PKDREJ: variants seen among roughly 807,000 people sequenced by gnomAD.
The protein encoded by PKDREJ is PKD and REJ homolog.
For synonymous variants in PKDREJ, 1,031 were observed against 1,095.5 expected, an observed-to-expected ratio of 0.94 and a Z score of 1.16; for missense variants, 2,507 against 2,807.2, an observed-to-expected ratio of 0.89 and a Z score of 2.42.
In PKDREJ at chr22:46,258,720, C is replaced by T. The variant is rs549997347; in HGVS notation, c.4603G>A (p.Gly1535Arg). ...KAQIKTPETL[G>R]PNTNSNNNIE... ...TTGTTATTGGAATTTGTATTTGGCC[C>T]GAGGGTCTCCGGGGTCTTGATTTGT... Residue 1535 changes from glycine to arginine, a missense_variant, in exon 1 of 1, where the codon GGG becomes AGG. Physicochemically the swap from Gly to Arg is moderately radical, Grantham distance 125. Transcript: ENST00000253255. The surrounding 1 kb of genome is among the most constrained non-coding windows in gnomAD (Gnocchi z 6.1). 25 of 1,613,952 alleles carry T rather than the reference C, an allele frequency of 1.5e-5. 1 individual carries two copies. In the South Asian group the frequency reaches 1.9e-4, roughly 12 times the overall value.
chr22:46,262,309 C>T lies in PKDREJ; in HGVS notation c.1014G>A (p.Ala338=). Residue 338 remains alanine, a synonymous_variant, in exon 1 of 1, where the codon GCG becomes GCA. Transcript: ENST00000253255. The surrounding 1 kb of genome is among the most constrained non-coding windows in gnomAD (Gnocchi z 8.1). ...YVWIVRSSLQ[A]VMLGDANITA... ...TTATGTTGGCATCGCCAAGCATCAC[C>T]GCCTGCAGGGAACTCCTGACGATCC... 6.2e-7 allele frequency: 1 copy of T among 1,614,194 alleles called. No homozygotes were observed. Among genetic ancestry groups the T allele is most frequent in the Non-Finnish European group, 8.5e-7 (1 of 1,180,036 alleles).
At position 46,258,203 on chromosome 22, in the gene PKDREJ, G is replaced by A. The variant is rs557288221; in HGVS notation, c.5120C>T (p.Ala1707Val). 1 of 1,614,124 alleles carries A rather than the reference G, an allele frequency of 6.2e-7. No homozygotes were observed. The highest frequency in any genetic ancestry group is 2.2e-5 in the East Asian group (1 of 44,894). Reference protein sequence around the residue: ...FKRKKRIKRRALLFLSYILTH... With the variant: ...FKRKKRIKRRVLLFLSYILTH... Reference sequence around the variant, plus strand: ...TAGAATGTAACTCAGAAACAGGAGTGCTCTTCTCTTGATCCTCTTCTTTCT... The same window carrying A: ...TAGAATGTAACTCAGAAACAGGAGTACTCTTCTCTTGATCCTCTTCTTTCT... The change falls in exon 1 of 1, where the codon GCA becomes GTA. Residue 1707 changes from alanine to valine, a missense_variant. Coordinates refer to ENST00000253255, the MANE Select transcript of PKDREJ (RefSeq NM_006071.2). The surrounding 1 kb of genome is among the most constrained non-coding windows in gnomAD (Gnocchi z 6.1).
At position 46,262,887 on chromosome 22, in the gene PKDREJ, G is replaced by T. The variant is rs1398328193; in HGVS notation, c.436C>A (p.Arg146=). 2.8e-6 allele frequency: 3 copies of T among 1,075,598 alleles called. No individual in the cohort carries two copies. The highest frequency in any genetic ancestry group is 6.6e-5 in the East Asian group (1 of 15,124). 66.6% of individuals were successfully genotyped at this position (1,075,598 alleles called of 1,614,324 possible). The change falls in exon 1 of 1, where the codon CGG becomes AGG. Residue 146 remains arginine, a synonymous_variant. Transcript: ENST00000253255. This position sits in a 1 kb window ranked among gnomAD's most constrained non-coding sequence, Gnocchi z 8.1. ...CGGGCGGCGCCGGGTCCGAGCAGCC[G>T]CAGGCGGAAGGCCCAGGCCAGGCGC... is the stretch of plus-strand genomic sequence containing the variant. ...PGRLAWAFRL[R]LLGPGAARPA...
rs769353365 is a variant in PKDREJ, at chr22:46,262,458, A to G, written c.865T>C (p.Leu289=). 3 of 1,602,792 alleles carry G rather than the reference A, an allele frequency of 1.9e-6. No homozygotes were observed. The highest frequency in any genetic ancestry group is 1.7e-5 in the Admixed American group (1 of 59,328). ...GAATTATTGGGGATGTGAATGAACA[A>G]GGGGCTGTTCCTGATCTCGAGCTGG... The part of the protein sequence containing the change: ...LPQLEIRNSP[L]FIHIPNNSLQ... Residue 289 remains leucine, a synonymous_variant, in exon 1 of 1, where the codon TTG becomes CTG. Coordinates refer to ENST00000253255, the MANE Select transcript of PKDREJ (RefSeq NM_006071.2). The surrounding 1 kb of genome is among the most constrained non-coding windows in gnomAD (Gnocchi z 8.1).
chr22:46,263,303 A>G lies in PKDREJ; in HGVS notation c.20T>C (p.Leu7Pro). The G allele has an allele frequency of 6.9e-7, 1 of 1,447,646 alleles. No homozygotes were observed. The allele number at this position is 1,447,646 out of a possible 1,614,324, so 89.7% of individuals were successfully genotyped here. Residue 7 changes from leucine (L) to proline (P), a missense_variant, in exon 1 of 1, where the codon CTC becomes CCC. By Grantham distance (98) the Leu-to-Pro change is moderately conservative. Coordinates refer to ENST00000253255, the MANE Select transcript of PKDREJ (RefSeq NM_006071.2). This position sits in a 1 kb window ranked among gnomAD's most constrained non-coding sequence, Gnocchi z 9.4. ...GCTCAGGCCCACGCCCAGAAGGAGG[A>G]GAGCGGGCCCAGGCCTCATGGCGCC... MRPGPA[L>P]LLLGVGLSLS...
Position 46,256,598 on chromosome 22 carries a change from T to G in PKDREJ, c.6725A>C (p.Asn2242Thr), listed in dbSNP as rs745866252. 1 of 1,613,898 alleles carries G rather than the reference T, an allele frequency of 6.2e-7. No individual in the cohort carries two copies. Among genetic ancestry groups the G allele is most frequent in the Non-Finnish European group, 8.5e-7 (1 of 1,179,944 alleles). The change falls in exon 1 of 1, where the codon AAC (asparagine) becomes ACC (threonine). Residue 2242 changes from asparagine to threonine, a missense_variant. Coordinates refer to ENST00000253255, the MANE Select transcript of PKDREJ (RefSeq NM_006071.2). The surrounding 1 kb of genome is among the most constrained non-coding windows in gnomAD (Gnocchi z 5.3). ...SHRYLGLKTR[N>T]INGKKMVYLV... ...GTAAACCATTTTCTTCCCGTTGATG[T>G]TTCTGGTCTTCAGCCCCAGATAACG...
Position 46,258,801 on chromosome 22 carries a change from G to T in PKDREJ, c.4522C>A (p.Leu1508Ile), listed in dbSNP as rs751447119. Reference sequence around the variant, plus strand: ...GTTGCCTTAGGAGAAGCCTTTGGAAGCCTGGGCTTTCCTTTAGATGCAGGT... The same window carrying T: ...GTTGCCTTAGGAGAAGCCTTTGGAATCCTGGGCTTTCCTTTAGATGCAGGT... Reference protein sequence around the residue: ...AKPASKGKPRLPKASPKATSK... With the variant: ...AKPASKGKPRIPKASPKATSK... The change falls in exon 1 of 1, where the codon CTT becomes ATT. Residue 1508 changes from leucine to isoleucine, a missense_variant. Coordinates refer to ENST00000253255, the MANE Select transcript of PKDREJ (RefSeq NM_006071.2). The surrounding 1 kb of genome is among the most constrained non-coding windows in gnomAD (Gnocchi z 6.1). The T allele has an allele frequency of 8.1e-6, 13 of 1,614,056 alleles. No individual in the cohort carries two copies. Among genetic ancestry groups the T allele is most frequent in the Non-Finnish European group, 1.1e-5 (13 of 1,180,042 alleles).
In PKDREJ at chr22:46,259,162, G is replaced by T. The variant is rs1181850047; in HGVS notation, c.4161C>A (p.Leu1387=). 1.9e-6 allele frequency: 3 copies of T among 1,613,934 alleles called. No individual in the cohort carries two copies. Among genetic ancestry groups the T allele is most frequent in the Admixed American group, 3.3e-5 (2 of 60,000 alleles). The change falls in exon 1 of 1, where the codon CTC becomes CTA. Residue 1387 remains leucine (L), a synonymous_variant. Coordinates refer to ENST00000253255, the MANE Select transcript of PKDREJ (RefSeq NM_006071.2). This position sits in a 1 kb window ranked among gnomAD's most constrained non-coding sequence, Gnocchi z 6.8. ...TTGCTAAACAACAGGACAATCTCTGGAGCCTATTGAATGTTTTAGCAACAA... is the reference window on the plus strand; with the variant it reads ...TTGCTAAACAACAGGACAATCTCTGTAGCCTATTGAATGTTTTAGCAACAA... ...ASVVAKTFNR[L]QRLSCCLAML...
rs137978814 is a variant in PKDREJ, at chr22:46,257,337, T to C, written c.5986A>G (p.Ser1996Gly). The C allele has an allele frequency of 1.1e-5, 18 of 1,613,910 alleles. No individual in the cohort carries two copies. Among genetic ancestry groups the C allele is most frequent in the Non-Finnish European group, 1.5e-5 (18 of 1,180,044 alleles). Residue 1996 changes from serine to glycine, a missense_variant, in exon 1 of 1, where the codon AGT (serine) becomes GGT (glycine). Ser to Gly is a moderately conservative substitution (Grantham distance 56). Transcript: ENST00000253255. This position sits in a 1 kb window ranked among gnomAD's most constrained non-coding sequence, Gnocchi z 4.7. The part of the protein sequence containing the change: ...IMQERASYVR[S>G]VYNLLNFALK... ...GCAAAGTTGAGCAAATTATACACAC[T>C]TCTCACATAGGAGGCTCTTTCTTGC...
Position 46,259,420 on chromosome 22 carries a change from G to T in PKDREJ, c.3903C>A (p.Asn1301Lys). 2 of 1,614,206 alleles carry T rather than the reference G, an allele frequency of 1.2e-6. No individual in the cohort carries two copies. Among genetic ancestry groups the T allele is most frequent in the Non-Finnish European group, 1.7e-6 (2 of 1,180,044 alleles). ...ACCAGCTAGGCGATCGACCCTCGTT[G>T]TTGTGCCACACACGGATGGAATGGA... The part of the protein sequence containing the change: ...GDIHSIRVWH[N>K]NEGRSPSWYL... The change falls in exon 1 of 1, where the codon AAC becomes AAA. Residue 1301 changes from asparagine to lysine, a missense_variant. Physicochemically the swap from Asn to Lys is moderately conservative, Grantham distance 94 (BLOSUM62 0). Transcript: ENST00000253255. The surrounding 1 kb of genome is among the most constrained non-coding windows in gnomAD (Gnocchi z 6.8).
At position 46,256,370 on chromosome 22, in the gene PKDREJ, C is replaced by CTACACTCCCAACTTT. The variant is rs1408666801; in HGVS notation, c.*176_*190dup. The CTACACTCCCAACTTT allele has an allele frequency of 8.6e-6, 8 of 932,526 alleles. No homozygotes were observed. In the East Asian group the frequency reaches 2.1e-4, roughly 24 times the overall value. The allele number at this position is 932,526 out of a possible 1,614,324, so 57.8% of individuals were successfully genotyped here. A position where few individuals can be genotyped will look rare whatever the true frequency, so the allele number is the denominator to read the frequency against. The stretch of plus-strand genomic sequence containing the variant: ...TCCTGCTGTCTCCCCAGATGCTACA[C>CTACACTCCCAACTTT]TACACTCCCAACTTTTACACTCCCA... On this transcript the variant is annotated 3_prime_UTR_variant, in exon 1 of 1. Coordinates refer to ENST00000253255, the MANE Select transcript of PKDREJ (RefSeq NM_006071.2). This position sits in a 1 kb window ranked among gnomAD's most constrained non-coding sequence, Gnocchi z 5.3.
chr22:46,257,458 A>G lies in PKDREJ; in HGVS notation c.5865T>C (p.Ala1955=), dbSNP rs769653150. The G allele has an allele frequency of 6.8e-6, 11 of 1,613,968 alleles. No homozygotes were observed. The African/African-American group carries it at 1.5e-4, about 22-fold the overall frequency. The part of the protein sequence containing the change: ...TSISLHSFSL[A]DFDRKASAEI... ...CTGCTGAAGCTTTTCTGTCAAAATCAGCAAGTGAAAAAGAGTGCAGAGATA... is the reference window on the plus strand; with the variant it reads ...CTGCTGAAGCTTTTCTGTCAAAATCGGCAAGTGAAAAAGAGTGCAGAGATA... The change falls in exon 1 of 1, where the codon GCT becomes GCC. Residue 1955 remains alanine, a synonymous_variant. Coordinates refer to ENST00000253255, the MANE Select transcript of PKDREJ (RefSeq NM_006071.2). The surrounding 1 kb of genome is among the most constrained non-coding windows in gnomAD (Gnocchi z 4.7).
chr22:46,257,652 G>T lies in PKDREJ; in HGVS notation c.5671C>A (p.Arg1891=), dbSNP rs558958734. ...YALYFFPEQQ[R]FNSTLRLKEL... ...TTGAGCCTCAGTGTGGAATTAAACC[G>T]CTGCTGTTCTGGAAAAAAATAGAGT... Residue 1891 remains arginine (R), a synonymous_variant, in exon 1 of 1, where the codon CGG becomes AGG. Transcript: ENST00000253255. The surrounding 1 kb of genome is among the most constrained non-coding windows in gnomAD (Gnocchi z 4.7). The T allele has an allele frequency of 2.5e-6, 4 of 1,613,988 alleles. No homozygotes were observed. The highest frequency in any genetic ancestry group is 2.2e-5 in the East Asian group (1 of 44,894).
In PKDREJ at chr22:46,256,543, TCATGAAA is replaced by T; in HGVS notation, c.*11_*17del. The T allele has an allele frequency of 6.3e-7, 1 of 1,599,290 alleles. No homozygotes were observed. The highest frequency in any genetic ancestry group is 2.2e-5 in the East Asian group (1 of 44,796). On this transcript the variant is annotated 3_prime_UTR_variant, in exon 1 of 1. Transcript: ENST00000253255. The surrounding 1 kb of genome is among the most constrained non-coding windows in gnomAD (Gnocchi z 5.3). The stretch of plus-strand genomic sequence containing the variant: ...AGTTGGGGGAACGCTTGCTTGTGAC[TCATGAAA>T]CCATCATTCATCAAACAACAAGGTA...
chr22:46,261,271 G>A lies in PKDREJ; in HGVS notation c.2052C>T (p.Leu684=), dbSNP rs371178459. Residue 684 remains leucine, a synonymous_variant, in exon 1 of 1, where the codon CTC becomes CTT. Coordinates refer to ENST00000253255, the MANE Select transcript of PKDREJ (RefSeq NM_006071.2). This position sits in a 1 kb window ranked among gnomAD's most constrained non-coding sequence, Gnocchi z 7.1. ...ATGAACTTGGTCCCACGGTGAAACTGAGTAACTGATTCAACACTGTCTTTG... is the reference window on the plus strand; with the variant it reads ...ATGAACTTGGTCCCACGGTGAAACTAAGTAACTGATTCAACACTGTCTTTG... ...NSSKTVLNQL[L]SFTVGPSSLL... The A allele has an allele frequency of 1.2e-5, 19 of 1,614,002 alleles. No individual in the cohort carries two copies. In the African/African-American group the frequency reaches 2.4e-4, roughly 20 times the overall value.
In PKDREJ at chr22:46,259,978, T is replaced by C; in HGVS notation, c.3345A>G (p.Arg1115=). ...TCTCACCAAGAATGCAATAACCCTC[T>C]CTCCATTCACTCTGGATCCCATACA... ...LDMYGIQSEW[R]EGYCILGEKT... Residue 1115 remains arginine, a synonymous_variant, in exon 1 of 1, where the codon AGA becomes AGG. Transcript: ENST00000253255. This position sits in a 1 kb window ranked among gnomAD's most constrained non-coding sequence, Gnocchi z 6.8. The C allele has an allele frequency of 6.2e-7, 1 of 1,614,034 alleles. No individual in the cohort carries two copies. Among genetic ancestry groups the C allele is most frequent in the South Asian group, 1.1e-5 (1 of 91,074 alleles).
Position 46,257,248 on chromosome 22 carries a change from G to A in PKDREJ, c.6075C>T (p.Gly2025=), listed in dbSNP as rs761264610. 1 of 1,613,958 alleles carries A rather than the reference G, an allele frequency of 6.2e-7. No individual in the cohort carries two copies. The highest frequency in any genetic ancestry group is 1.7e-5 in the Admixed American group (1 of 60,012). ...LFLRKHFLAT[G]IIRFYLSNPE... ...GGTTCGACAAGTAAAACCGAATTAT[G>A]CCAGTGGCCAGGAAATGTTTCCTGA... is the stretch of plus-strand genomic sequence containing the variant. Residue 2025 remains glycine (G), a synonymous_variant, in exon 1 of 1, where the codon GGC becomes GGT. Transcript: ENST00000253255. The surrounding 1 kb of genome is among the most constrained non-coding windows in gnomAD (Gnocchi z 4.7).
At position 46,261,051 on chromosome 22, in the gene PKDREJ, T is replaced by C; in HGVS notation, c.2272A>G (p.Thr758Ala). Residue 758 changes from threonine to alanine, a missense_variant, in exon 1 of 1, where the codon ACT becomes GCT. Thr to Ala is a moderately conservative substitution (Grantham distance 58, BLOSUM62 0). Transcript: ENST00000253255. The surrounding 1 kb of genome is among the most constrained non-coding windows in gnomAD (Gnocchi z 7.1). ...GGTTTCTGGGTTAATTTGGTAATAG[T>C]CATGACTACCTGGCCAATTTCTACC... is the stretch of plus-strand genomic sequence containing the variant. Reference protein sequence around the residue: ...TLVEIGQVVMTITKLTQKPSE... With the variant: ...TLVEIGQVVMAITKLTQKPSE... 5 of 1,614,178 alleles carry C rather than the reference T, an allele frequency of 3.1e-6. No individual in the cohort carries two copies. The highest frequency in any genetic ancestry group is 4.2e-6 in the Non-Finnish European group (5 of 1,180,024).
rs755440278 is a variant in PKDREJ at position 46,260,043 on chromosome 22, G to C, written c.3280C>G (p.Leu1094Val). 1 of 1,614,036 alleles carries C rather than the reference G, an allele frequency of 6.2e-7. No individual in the cohort carries two copies. Among genetic ancestry groups the C allele is most frequent in the South Asian group, 1.1e-5 (1 of 91,082 alleles). The change falls in exon 1 of 1, where the codon CTA (leucine) becomes GTA (valine). Residue 1094 changes from leucine (L) to valine (V), a missense_variant. By Grantham distance (32) the Leu-to-Val change is conservative (BLOSUM62 1). Coordinates refer to ENST00000253255, the MANE Select transcript of PKDREJ (RefSeq NM_006071.2). This position sits in a 1 kb window ranked among gnomAD's most constrained non-coding sequence, Gnocchi z 4.5. ...ACGCTGAAAATAGAAATTCTCACTA[G>C]CTTGTCATTGAGCTTCATGACAAAA... is the stretch of plus-strand genomic sequence containing the variant. The part of the protein sequence containing the change: ...PRFVMKLNDK[L>V]VRISIFSVQC...
Sources: gnomAD v4.1 joint callset for allele counts on GRCh38, gnomAD v4.1.1 for gene constraint, Gnocchi (gnomAD v3.1) non-coding constraint, MANE v1.5 for transcripts, NCBI Gene and HGNC (gene_info 2026-07-23, HGNC 2026-07-21) for gene names.